Variants in NPHP4 observed in about 807,000 individuals in gnomAD.
NPHP4 encodes the protein nephrocystin 4, also known as nephrocystin-4.
A neutral mutation model predicts 155.8 loss-of-function variants in NPHP4; 151 were observed. The ratio of observed to expected loss-of-function variants is 0.97; its 90% CI spans 0.85 to 1.11. NPHP4 has a LOEUF of 1.11. NPHP4 is among the 50% of genes least tolerant of loss of function. The pLI is 0.00. For synonymous variants in NPHP4, 845 were observed against 816.8 expected, an observed-to-expected ratio of 1.03 and a Z score of -0.59; for missense variants, 1,956 against 1,925.7, an observed-to-expected ratio of 1.02 and a Z score of -0.29.
chr1:5,986,505 AG>A (rs1208644327), intron 1 of NPHP4, among the ~76,000 whole-genome samples, 178 bp from the exon 2 acceptor site: 1 of 152,200 alleles, frequency 6.6e-6, no homozygotes, highest in Non-Finnish European at 1.5e-5. Context: ...TGCCTCCTCT[AG>A]GAAGTACCAT....
chr1:5,964,917 T>TTATATATATATATATATATATATA (rs4068402), intron 5 of NPHP4, among the ~76,000 whole-genome samples: 2 of 82,628 alleles, frequency 2.4e-5, no homozygotes, highest in Non-Finnish European at 2.1e-5. Flanking sequence ...TACATATATA[T>TTATATATATATATATATATATATA]TATATATATA....
intron 1 of NPHP4, among the ~76,000 whole-genome samples, chr1:5,987,832 A>G (rs1445913448): frequency 6.6e-6 from 1 of 152,228 alleles, no homozygotes; most frequent in Non-Finnish European, 1.5e-5. Context: ...TACTTGGCAG[A>G]CATCTTCTCA....
intron 9 of NPHP4, among the ~76,000 whole-genome samples, chr1:5,945,569 A>G (rs898046573): frequency 2.9e-4 from 44 of 152,208 alleles, no homozygotes; most frequent in African/African-American, 9.6e-4. Context: ...AAGAGATTAG[A>G]AACACCAAAT....
chr1:5,906,739 T>G (rs1644930679), intron 13 of NPHP4, among the ~76,000 whole-genome samples: 1 of 152,242 alleles, frequency 6.6e-6, no homozygotes, highest in Non-Finnish European at 1.5e-5. Context: ...CTCCTTTAGC[T>G]GCTGATAGCA....
intron 5 of NPHP4, among the ~76,000 whole-genome samples, chr1:5,964,969 C>T (rs535078642): frequency 2.7e-4 from 21 of 78,072 alleles, no homozygotes; most frequent in Middle Eastern, 0.02. Context: ...AGGGTCTCAC[C>T]GTCGCCCAGG....
Position 5,961,816 on chromosome 1 carries a change from C to G in NPHP4, c.651G>C (p.Leu217=), listed in dbSNP as rs774965514. Residue 217 remains leucine (L), a synonymous_variant, in exon 6 of 30, where the codon CTG becomes CTC. Transcript: ENST00000378156. ...LVSGLQQIPG[L]LPAHGESGDA... is the part of the protein sequence containing the mutation. ...TACCGGATTCTCCATGAGCTGGAAG[C>G]AGGCCAGGTATCTGCTGCAGACCAG... 1.2e-6 allele frequency: 2 copies of G among 1,613,014 alleles called. No individual in the cohort carries two copies. Among genetic ancestry groups the G allele is most frequent in the Non-Finnish European group, 1.7e-6 (2 of 1,179,434 alleles).
At chr1:5,897,483 C>G (rs2101019471) in intron 16 of NPHP4, among the ~76,000 whole-genome samples, 1 of 152,314 alleles carries the variant, frequency 6.6e-6, no homozygotes, top group South Asian at 2.1e-4. Context: ...ATGAAGTGTT[C>G]ATGCTGAGAT....
At chr1:5,933,649 C>T (rs1216691608) in intron 9 of NPHP4, among the ~76,000 whole-genome samples, 1 of 152,206 alleles carries the variant, frequency 6.6e-6, no homozygotes, top group Non-Finnish European at 1.5e-5. Context: ...TTATGAACCC[C>T]TGTTCCCATA....
chr1:5,954,463 G>C (rs920280696), intron 6 of NPHP4, among the ~76,000 whole-genome samples: 1 of 152,126 alleles, frequency 6.6e-6, no homozygotes, highest in Admixed American at 6.5e-5. Context: ...CTTCTTTATA[G>C]TTTTCTATAT....
intron 19 of NPHP4, among the ~76,000 whole-genome samples, chr1:5,877,665 C>T (rs1642761283): frequency 6.6e-6 from 1 of 152,212 alleles, no homozygotes; most frequent in Non-Finnish European, 1.5e-5. Context: ...GGGCTGCTGG[C>T]CTCAGCCCCT....
chr1:5,992,024 C>G (rs1338410823), intron 1 of NPHP4, among the ~76,000 whole-genome samples: 2 of 151,400 alleles, frequency 1.3e-5, no homozygotes, highest in Non-Finnish European at 2.9e-5. Context: ...CCCAAGTGTC[C>G]CGACGAGGGG....
At chr1:5,893,837 G>A (rs918742878) in intron 16 of NPHP4, among the ~76,000 whole-genome samples, 1 of 152,190 alleles carries the variant, frequency 6.6e-6, no homozygotes, top group Non-Finnish European at 1.5e-5. Flanking sequence ...CTTCCCAGAC[G>A]CTGGCATTAC....
intron 8 of NPHP4, 75 bp from the exon 9 acceptor site, chr1:5,947,305 T>G: frequency 6.5e-7 from 1 of 1,543,660 alleles, no homozygotes; most frequent in Admixed American, 1.7e-5. Flanking sequence ...TCGACCACTG[T>G]CAGAACAGTC....
chr1:5,875,606 AC>A (rs763275995), intron 20 of NPHP4, among the ~76,000 whole-genome samples: 11 of 152,150 alleles, frequency 7.2e-5, no homozygotes, highest in Non-Finnish European at 1.3e-4. Flanking sequence ...AGGCTCAGCC[AC>A]CCCCTTGCTC....
intron 10 of NPHP4, among the ~76,000 whole-genome samples, chr1:5,929,937 C>CT (rs1336665401): frequency 1.3e-5 from 2 of 152,076 alleles, no homozygotes; most frequent in Non-Finnish European, 2.9e-5. Flanking sequence ...CTGAATATTT[C>CT]TTTTTCAAAA....
At chr1:5,990,239 C>T (rs190328861) in intron 1 of NPHP4, among the ~76,000 whole-genome samples, 21 of 152,340 alleles carry the variant, frequency 1.4e-4, no homozygotes, top group Admixed American at 7.2e-4. Flanking sequence ...AGAGCCACCA[C>T]GCTTCACCAG....
chr1:5,903,255 G>C (rs903045546), intron 16 of NPHP4, among the ~76,000 whole-genome samples: 1 of 152,148 alleles, frequency 6.6e-6, no homozygotes, highest in African/African-American at 2.4e-5. Context: ...CTATCTTGAG[G>C]CTACGTATGT....
chr1:5,938,152 C>T (rs548098733), intron 9 of NPHP4, among the ~76,000 whole-genome samples: 2 of 152,336 alleles, frequency 1.3e-5, no homozygotes, highest in South Asian at 2.1e-4. Context: ...GGCACACAAG[C>T]GGCGGGTGGC....
chr1:5,931,651 G>A lies in NPHP4; in HGVS notation c.1302+1496C>T, dbSNP rs149529921. ...TGGGAGGCTGAGCCAGAAGAATCGC[G>A]TGAACCTGGGAGATGGAGGTTGCAG... is the stretch of plus-strand genomic sequence containing the variant. On this transcript the variant is annotated intron_variant, in intron 10 of 29. Transcript: ENST00000378156. Among the ~76,000 whole-genome samples the A allele has an allele frequency of 6.1e-3, 913 of 150,010 alleles. 11 individuals carry two copies. The highest frequency in any genetic ancestry group is 0.02 in the African/African-American group (806 of 40,780).
Sources: gnomAD v4.1 joint callset for allele counts (sites outside exome capture counted in the v4.1 genomes callset) on GRCh38, gnomAD v4.1.1 for gene constraint, MANE v1.5 for transcripts, NCBI Gene and HGNC (gene_info 2026-07-23, HGNC 2026-07-21) for gene names.